Variants in KLHDC4 observed in about 807,000 individuals in gnomAD.
KLHDC4 encodes kelch domain-containing protein 4.
Under a neutral mutation model 62.4 loss-of-function variants are expected in KLHDC4, and 90 were observed. That is an observed-to-expected ratio of 1.44 (90% CI 1.22 to 1.72). The LOEUF is 1.72. KLHDC4 is among the 40% of genes most tolerant of loss of function. The pLI is 0.00. For missense variants in KLHDC4, 1,025 were observed against 699.7 expected (o/e 1.47, Z -5.25); for synonymous variants, 386 against 284.4 (o/e 1.36, Z -3.59).
At chr16:87,765,704 C>G in intron 1 of KLHDC4, 88 bp downstream of exon 1, 1 of 1,320,726 alleles carries the variant, frequency 7.6e-7, no homozygotes, top group Non-Finnish European at 1.0e-6. Context: ...GCTCCCACGG[C>G]CGACCCGTAA....
rs180773200 is a variant in KLHDC4 at position 87,753,257 on chromosome 16, A to C, written c.369+1937T>G. 8.0e-4 allele frequency among the ~76,000 whole-genome samples: 122 copies of C among 152,366 alleles called. 2 individuals are homozygous for C. The highest frequency in any genetic ancestry group is 2.6e-4 in the Non-Finnish European group (18 of 68,028). On this transcript the variant is annotated intron_variant, in intron 4 of 11. Transcript: ENST00000270583. ...GGGAGGGTGAGACCAAGGAACCACC[A>C]CTGTGAAGACAAAAGCATCTTCTGA...
Position 87,729,844 on chromosome 16 carries a change from G to A in KLHDC4, c.599+708C>T, listed in dbSNP as rs368114444. Among the ~76,000 whole-genome samples, 4 of 152,338 alleles carry A rather than the reference G, an allele frequency of 2.6e-5. No individual in the cohort carries two copies. The East Asian group carries it at 7.7e-4, about 29-fold the overall frequency. On this transcript the variant is annotated intron_variant, in intron 6 of 11. Transcript: ENST00000270583. ...TCACCTGGGAGCTTGTTAAAATGCA[G>A]ATTCCTGGGCCTCACTCCAGGCCTC...
intron 8 of KLHDC4, among the ~76,000 whole-genome samples, chr16:87,713,226 GTC>G (rs1046183585): frequency 6.6e-6 from 1 of 151,362 alleles, no homozygotes; most frequent in Non-Finnish European, 1.5e-5. Context: ...TTGAGACAGA[GTC>G]TCGCTCTGTC....
At position 87,708,361 on chromosome 16, in the gene KLHDC4, G is replaced by T; in HGVS notation, c.1553C>A (p.Ala518Glu). 6.2e-7 allele frequency: 1 copy of T among 1,604,886 alleles called. No homozygotes were observed. ...CCGAGCCCGCTCACCTCAGTCCTCCGCACCGCTCTCCTCTCCGCTGTCTTC... is the reference window on the plus strand; with the variant it reads ...CCGAGCCCGCTCACCTCAGTCCTCCTCACCGCTCTCCTCTCCGCTGTCTTC... ...DDEDSGEESG[A>E]ED Residue 518 changes from alanine (A) to glutamate (E), a missense_variant, in exon 11 of 12, where the codon GCG becomes GAG. Physicochemically the swap from Ala to Glu is moderately radical, Grantham distance 107. Coordinates refer to ENST00000270583, the MANE Select transcript of KLHDC4 (RefSeq NM_017566.4).
Position 87,753,892 on chromosome 16 carries a change from G to C in KLHDC4, c.369+1302C>G, listed in dbSNP as rs541696361. ...GCGGGCTGAAGCAGGAGAATCGCTT[G>C]AACCCGGCAGGCGGAGGTTGTAGTG... On this transcript the variant is annotated intron_variant, in intron 4 of 11. Coordinates refer to ENST00000270583, the MANE Select transcript of KLHDC4 (RefSeq NM_017566.4). Among the ~76,000 whole-genome samples, 24 of 149,788 alleles carry C rather than the reference G, an allele frequency of 1.6e-4. No individual in the cohort carries two copies. In the East Asian group the frequency reaches 3.9e-3, roughly 25 times the overall value.
chr16:87,718,779 C>T (rs891053309), intron 7 of KLHDC4, among the ~76,000 whole-genome samples: 13 of 145,242 alleles, frequency 9.0e-5, no homozygotes, highest in Non-Finnish European at 1.5e-4. Context: ...TGGGAAGTGA[C>T]GAGCGTCTCT....
chr16:87,698,467 G>A (rs1368960160), exon 1 of KLHDC4: 1 of 152,256 alleles, frequency 6.6e-6, no homozygotes, highest in East Asian at 1.9e-4. Context: ...CGGTACCTGT[G>A]AGCAGGAAAC....
chr16:87,715,845 A>C (rs1405420368), intron 7 of KLHDC4, among the ~76,000 whole-genome samples: 1 of 152,076 alleles, frequency 6.6e-6, no homozygotes, highest in Admixed American at 6.5e-5. Flanking sequence ...CGGCCACGCT[A>C]CTGTGGTCGC....
chr16:87,760,163 C>A (rs139529069), intron 2 of KLHDC4, among the ~76,000 whole-genome samples: 1 of 151,484 alleles, frequency 6.6e-6, no homozygotes, highest in East Asian at 1.9e-4. Flanking sequence ...CTGCCAACAC[C>A]TTAAATTATA....
intron 5 of KLHDC4, among the ~76,000 whole-genome samples, chr16:87,734,821 C>T (rs185911455): frequency 5.7e-4 from 87 of 152,242 alleles, no homozygotes; most frequent in Admixed American, 1.2e-3. Context: ...GGGCTTGGCA[C>T]CGCAGGGGAC....
chr16:87,708,679 A>G (rs1422793870), intron 10 of KLHDC4: 1 of 413,220 alleles, frequency 2.4e-6, no homozygotes, highest in Non-Finnish European at 4.3e-6. Context: ...GACGGCAAAC[A>G]TGCAAAAGCA....
At chr16:87,754,186 C>T (rs945472361) in intron 4 of KLHDC4, among the ~76,000 whole-genome samples, 1 of 151,178 alleles carries the variant, frequency 6.6e-6, no homozygotes, top group African/African-American at 2.4e-5. Context: ...CCTTAGCCAC[C>T]TAATACAATC....
At position 87,707,924 on chromosome 16, in the gene KLHDC4, G is replaced by A. The variant is rs1429929132; in HGVS notation, c.*153C>T. On this transcript the variant is annotated 3_prime_UTR_variant, in exon 12 of 12. Coordinates refer to ENST00000270583, the MANE Select transcript of KLHDC4 (RefSeq NM_017566.4). ...GTGCCGCGTCAGAGACTAAACCATG[G>A]GAGAAAGTTCACACCCTGGCCTGGG... is the stretch of plus-strand genomic sequence containing the variant. 5 of 462,294 alleles carry A rather than the reference G, an allele frequency of 1.1e-5. No homozygotes were observed. The highest frequency in any genetic ancestry group is 6.8e-5 in the East Asian group (1 of 14,658). The allele number at this position is 462,294 out of a possible 1,614,324, so 28.6% of individuals were successfully genotyped here.
At chr16:87,728,313 C>CT (rs2039737385) in intron 6 of KLHDC4, among the ~76,000 whole-genome samples, 1 of 152,230 alleles carries the variant, frequency 6.6e-6, no homozygotes, top group Non-Finnish European at 1.5e-5. Flanking sequence ...AGCGTGTAAT[C>CT]TTTAAAAGAC....
intron 2 of KLHDC4, among the ~76,000 whole-genome samples, chr16:87,756,896 C>G (rs893233914): frequency 1.3e-5 from 2 of 151,974 alleles, no homozygotes; most frequent in African/African-American, 4.8e-5. Flanking sequence ...TCACCACAAC[C>G]TCCAACTCCT....
At chr16:87,713,970 G>A (rs1199654698) in intron 8 of KLHDC4, among the ~76,000 whole-genome samples, 1 of 152,078 alleles carries the variant, frequency 6.6e-6, no homozygotes, top group African/African-American at 2.4e-5. Flanking sequence ...CCGTCCCTGT[G>A]AGGGCCAATA....
At chr16:87,708,700 G>A (rs1329003760) in intron 10 of KLHDC4, among the ~76,000 whole-genome samples, 2 of 152,154 alleles carry the variant, frequency 1.3e-5, no homozygotes, top group East Asian at 3.8e-4. Flanking sequence ...CCCCCATAAC[G>A]GAGCGGCTGG....
chr16:87,765,081 A>G (rs1230576141), intron 1 of KLHDC4: 1 of 455,638 alleles, frequency 2.2e-6, no homozygotes, highest in South Asian at 1.5e-5. Flanking sequence ...CGTGAGGAGT[A>G]AAGCCCAGGG....
intron 10 of KLHDC4, among the ~76,000 whole-genome samples, chr16:87,708,722 T>C (rs530716312): frequency 1.3e-5 from 2 of 152,276 alleles, no homozygotes; most frequent in East Asian, 3.9e-4. Flanking sequence ...CAACGGGGCC[T>C]CCTGCCACCC....
Sources: gnomAD v4.1 joint callset for allele counts (sites outside exome capture counted in the v4.1 genomes callset) on GRCh38, gnomAD v4.1.1 for gene constraint, MANE v1.5 for transcripts, NCBI Gene and HGNC (gene_info 2026-07-23, HGNC 2026-07-21) for gene names.